Variants in EBLN1 observed in about 807,000 individuals in gnomAD.
EBLN1 encodes endogenous Bornavirus like nucleoprotein 1, also known as endogenous Bornavirus-like nucleoprotein 1.
In EBLN1, 1 loss-of-function variant was observed where a neutral mutation model predicts 0.8. That is an observed-to-expected ratio of 1.32 (90% CI 0.47 to 6.26). The LOEUF is 6.26. Ranked by LOEUF, EBLN1 falls within the 30% of genes most tolerant of loss-of-function variation. EBLN1 has a pLI of 0.15. For synonymous variants in EBLN1, 158 were observed against 158.5 expected, an observed-to-expected ratio of 1.00 and a Z score of 0.02; for missense variants, 396 against 447.9, an observed-to-expected ratio of 0.88 and a Z score of 1.05.
chr10:22,212,942 GGC>G lies in EBLN1; in HGVS notation c.-147_-146del, dbSNP rs1231762097. Among the ~76,000 whole-genome samples the G allele has an allele frequency of 1.3e-4, 20 of 150,872 alleles. No individual in the cohort carries two copies. On this transcript the variant is annotated 5_prime_UTR_variant, in exon 2 of 3. Transcript: ENST00000422359. The stretch of plus-strand genomic sequence containing the variant: ...TGATCATACCACTGCACTCCAGCCT[GGC>G]CAACAGAGTGAGATCCTGTCTCTAA...
chr10:22,208,478 GT>G lies in EBLN1; in HGVS notation c.*404del, dbSNP rs1190797264. ...ATAACAAAAAATAGTGCTAGGATAA[GT>G]GATAATGCATCAGATTTATTTCAAC... On this transcript the variant is annotated 3_prime_UTR_variant, in exon 3 of 3. Coordinates refer to ENST00000422359, the MANE Select transcript of EBLN1 (RefSeq NM_001394757.1). Among the ~76,000 whole-genome samples, 1 of 152,166 alleles carries G rather than the reference GT, an allele frequency of 6.6e-6. No homozygotes were observed. Among genetic ancestry groups the G allele is most frequent in the Admixed American group, 6.5e-5 (1 of 15,278 alleles).
At position 22,209,845 on chromosome 10, in the gene EBLN1, G is replaced by C. The variant is rs537033075; in HGVS notation, c.139C>G (p.Gln47Glu). Residue 47 changes from glutamine (Q) to glutamate (E), a missense_variant, in exon 3 of 3, where the codon CAA becomes GAA. Gln to Glu is a conservative substitution (Grantham distance 29). Coordinates refer to ENST00000422359, the MANE Select transcript of EBLN1 (RefSeq NM_001394757.1). ...RQYPADALEPQPGIGDVKVIE... is the reference protein window; with the variant it reads ...RQYPADALEPEPGIGDVKVIE... ...ACCTTAACATCTCCAATACCAGGTT[G>C]GGGCTCCAATGCATCTGCTGGATAC... is the stretch of plus-strand genomic sequence containing the variant. 22 of 1,529,546 alleles carry C rather than the reference G, an allele frequency of 1.4e-5. No homozygotes were observed. The highest frequency in any genetic ancestry group is 2.0e-5 in the Admixed American group (1 of 50,386). 94.7% of individuals were successfully genotyped at this position (1,529,546 alleles called of 1,614,324 possible).
chr10:22,212,577 T>A (rs1222119620), intron 2 of EBLN1, among the ~76,000 whole-genome samples: 2 of 152,158 alleles, frequency 1.3e-5, no homozygotes, highest in African/African-American at 2.4e-5. Context: ...CCAGGTCAAA[T>A]ACATAGTTTC....
chr10:22,215,716 T>C (rs1834787467), intron 1 of EBLN1, among the ~76,000 whole-genome samples: 1 of 151,910 alleles, frequency 6.6e-6, no homozygotes, highest in Non-Finnish European at 1.5e-5. Context: ...ACACAAGAAA[T>C]TTTTCCTAAA....
In EBLN1 at chr10:22,209,460, G is replaced by A; in HGVS notation, c.524C>T (p.Pro175Leu). The change falls in exon 3 of 3, where the codon CCT becomes CTT. Residue 175 changes from proline (P) to leucine (L), a missense_variant. Coordinates refer to ENST00000422359, the MANE Select transcript of EBLN1 (RefSeq NM_001394757.1). ...FKAMMISIGR[P>L]LHSESADLLI... ...TAAATCAGCACTTTCACTATGCAAA[G>A]GTCTTCCAATGGATATCATCATTGC... 1 of 1,597,962 alleles carries A rather than the reference G, an allele frequency of 6.3e-7. No individual in the cohort carries two copies. The highest frequency in any genetic ancestry group is 8.5e-7 in the Non-Finnish European group (1 of 1,179,440).
chr10:22,210,079 T>G, intron 2 of EBLN1, 52 bp from the exon 3 acceptor site: 2 of 1,243,718 alleles, frequency 1.6e-6, no homozygotes, highest in Non-Finnish European at 2.0e-6. Context: ...AAATTACATT[T>G]ATTAATAAAA....
intron 1 of EBLN1, among the ~76,000 whole-genome samples, chr10:22,217,212 G>A (rs1481970590): frequency 6.6e-6 from 1 of 152,096 alleles, no homozygotes; most frequent in Non-Finnish European, 1.5e-5. Flanking sequence ...TGCAACCTTC[G>A]CCTCCTGGGT....
chr10:22,216,858 T>G (rs1284957306), intron 1 of EBLN1, among the ~76,000 whole-genome samples: 1 of 152,190 alleles, frequency 6.6e-6, no homozygotes, highest in African/African-American at 2.4e-5. Context: ...ACTCCATCTC[T>G]GTTTTGCCAA....
At chr10:22,216,858 T>C (rs1284957306) in intron 1 of EBLN1, among the ~76,000 whole-genome samples, 1 of 152,190 alleles carries the variant, frequency 6.6e-6, no homozygotes, top group African/African-American at 2.4e-5. Context: ...ACTCCATCTC[T>C]GTTTTGCCAA....
intron 1 of EBLN1, among the ~76,000 whole-genome samples, chr10:22,213,983 G>A (rs1309193572): frequency 1.3e-5 from 2 of 151,960 alleles, no homozygotes; most frequent in Non-Finnish European, 2.9e-5. Flanking sequence ...CCTGGTGCAG[G>A]AATAGGCATG....
At position 22,209,842 on chromosome 10, in the gene EBLN1, G is replaced by A; in HGVS notation, c.142C>T (p.Pro48Ser). 6 of 1,530,138 alleles carry A rather than the reference G, an allele frequency of 3.9e-6. No homozygotes were observed. The highest frequency in any genetic ancestry group is 5.2e-6 in the Non-Finnish European group (6 of 1,144,258). 94.8% of individuals were successfully genotyped at this position (1,530,138 alleles called of 1,614,324 possible). A position where few individuals can be genotyped will look rare whatever the true frequency, so the allele number is the denominator to read the frequency against. Reference sequence around the variant, plus strand: ...ATGACCTTAACATCTCCAATACCAGGTTGGGGCTCCAATGCATCTGCTGGA... The same window carrying A: ...ATGACCTTAACATCTCCAATACCAGATTGGGGCTCCAATGCATCTGCTGGA... ...QYPADALEPQ[P>S]GIGDVKVIEK... The change falls in exon 3 of 3, where the codon CCT (proline) becomes TCT (serine). Residue 48 changes from proline to serine, a missense_variant. Coordinates refer to ENST00000422359, the MANE Select transcript of EBLN1 (RefSeq NM_001394757.1).
chr10:22,208,825 T>C lies in EBLN1; in HGVS notation c.*58A>G. The C allele has an allele frequency of 7.0e-7, 1 of 1,436,814 alleles. No homozygotes were observed. The highest frequency in any genetic ancestry group is 9.1e-7 in the Non-Finnish European group (1 of 1,098,212). 89.0% of individuals were successfully genotyped at this position (1,436,814 alleles called of 1,614,324 possible). ...GCAACACTCAGATACTATTTTAGAA[T>C]GTGATTTTCACATAATTTCTTTTTA... On this transcript the variant is annotated 3_prime_UTR_variant, in exon 3 of 3. Transcript: ENST00000422359.
intron 2 of EBLN1, among the ~76,000 whole-genome samples, 90 bp downstream of exon 2, chr10:22,212,752 C>A (rs1284218005): frequency 6.6e-6 from 1 of 150,782 alleles, no homozygotes; most frequent in Non-Finnish European, 1.5e-5. Flanking sequence ...GAGTTCGAGA[C>A]CAGCCTGGGC....
rs1375687471 is a variant in EBLN1 at position 22,209,332 on chromosome 10, C to T, written c.652G>A (p.Ala218Thr). Reference protein sequence around the residue: ...TFLFGEFESPACELLDQVKVV... With the variant: ...TFLFGEFESPTCELLDQVKVV... Reference sequence around the variant, plus strand: ...TTAACTTGATCAAGTAGCTCGCACGCAGGGGATTCAAATTCTCCAAATAGA... The same window carrying T: ...TTAACTTGATCAAGTAGCTCGCACGTAGGGGATTCAAATTCTCCAAATAGA... The change falls in exon 3 of 3, where the codon GCG becomes ACG. Residue 218 changes from alanine (A) to threonine (T), a missense_variant. Coordinates refer to ENST00000422359, the MANE Select transcript of EBLN1 (RefSeq NM_001394757.1). 2 of 1,603,324 alleles carry T rather than the reference C, an allele frequency of 1.2e-6. No individual in the cohort carries two copies. The highest frequency in any genetic ancestry group is 1.7e-6 in the Non-Finnish European group (2 of 1,179,808).
chr10:22,212,803 G>GT (rs60534502), intron 2 of EBLN1, among the ~76,000 whole-genome samples, 39 bp downstream of exon 2: 9,316 of 145,680 alleles, frequency 0.064, 621 homozygotes, highest in African/African-American at 0.17. Flanking sequence ...AAAAAGTTGT[G>GT]TTTTTTTTTT....
In EBLN1 at chr10:22,210,230, A is replaced by G. The variant is rs1427573158; in HGVS notation, c.-44-203T>C. On this transcript the variant is annotated intron_variant, in intron 2 of 2. Transcript: ENST00000422359. ...ACACCTAAATGTGCAGCTGCACTAA[A>G]ATCCTTTCCCCTGTCAACTGTGAAC... 3.3e-5 allele frequency among the ~76,000 whole-genome samples: 5 copies of G among 152,164 alleles called. No homozygotes were observed. In the East Asian group the frequency reaches 9.6e-4, roughly 29 times the overall value.
intron 1 of EBLN1, among the ~76,000 whole-genome samples, chr10:22,216,159 T>C (rs1253859334): frequency 6.6e-6 from 1 of 151,652 alleles, no homozygotes; most frequent in Non-Finnish European, 1.5e-5. Flanking sequence ...ATATTTTATC[T>C]GCAGGTGACT....
chr10:22,217,280 C>A (rs1834800107), intron 1 of EBLN1, among the ~76,000 whole-genome samples: 1 of 152,200 alleles, frequency 6.6e-6, no homozygotes, highest in Non-Finnish European at 1.5e-5. Flanking sequence ...TGCGTGCCAC[C>A]ACGCCCAGCT....
At chr10:22,214,373 C>A (rs931313724) in intron 1 of EBLN1, among the ~76,000 whole-genome samples, 3 of 148,776 alleles carry the variant, frequency 2.0e-5, no homozygotes, top group African/African-American at 7.5e-5. Context: ...CATCATGGTT[C>A]ACCGCTGCTG....
Sources: allele counts gnomAD v4.1 joint callset (sites outside exome capture counted in the v4.1 genomes callset), GRCh38; gene constraint gnomAD v4.1.1; transcripts MANE v1.5; gene names NCBI Gene and HGNC (gene_info 2026-07-23, HGNC 2026-07-21).